The following HIVEP3 variants were observed in gnomAD, a reference collection of about 807,000 sequenced individuals.
HIVEP3 encodes transcription factor HIVEP3.
A neutral mutation model predicts 152.8 loss-of-function variants in HIVEP3; 49 were observed. That is an observed-to-expected ratio of 0.32 (90% CI 0.26 to 0.41). The LOEUF (loss-of-function observed/expected upper bound fraction) is 0.41. Among genes scored for constraint, HIVEP3 ranks in the 10% least tolerant of loss-of-function variants. The pLI is 1.00. For missense variants in HIVEP3, 2,790 were observed against 3,103.3 expected, an observed-to-expected ratio of 0.90 and a Z score of 2.40; for synonymous variants, 1,269 against 1,289.0, an observed-to-expected ratio of 0.98 and a Z score of 0.33.
At chr1:41,698,129 C>A (rs1646305294) in intron 2 of HIVEP3, among the ~76,000 whole-genome samples, 1 of 152,160 alleles carries the variant, frequency 6.6e-6, no homozygotes, top group Non-Finnish European at 1.5e-5. Context: ...CTCAATAAAC[C>A]TCAGTTGCTA....
At chr1:41,690,637 G>GC (rs1187726141) in intron 2 of HIVEP3, among the ~76,000 whole-genome samples, 1 of 152,158 alleles carries the variant, frequency 6.6e-6, no homozygotes, top group Non-Finnish European at 1.5e-5. Flanking sequence ...ATGGATTCTG[G>GC]CCCGGCACGG....
At chr1:41,860,706 T>C (rs1038619697) in intron 1 of HIVEP3, among the ~76,000 whole-genome samples, 3 of 152,146 alleles carry the variant, frequency 2.0e-5, no homozygotes, top group African/African-American at 7.2e-5. Context: ...CCCCCTAATA[T>C]CTCCACCATT....
chr1:41,717,707 T>C (rs1646615493), intron 1 of HIVEP3, among the ~76,000 whole-genome samples: 1 of 152,214 alleles, frequency 6.6e-6, no homozygotes, highest in Non-Finnish European at 1.5e-5. Context: ...CCTGGAACCA[T>C]GCTGCAGATC....
At chr1:41,593,975 C>T (rs1359835976) in intron 3 of HIVEP3, among the ~76,000 whole-genome samples, 1 of 152,166 alleles carries the variant, frequency 6.6e-6, no homozygotes, top group African/African-American at 2.4e-5. Flanking sequence ...TGGTAACAGC[C>T]AGCCGCATCT....
At chr1:41,729,903 G>T (rs1428492343) in intron 1 of HIVEP3, among the ~76,000 whole-genome samples, 1 of 152,186 alleles carries the variant, frequency 6.6e-6, no homozygotes, top group Non-Finnish European at 1.5e-5. Context: ...TACCACTCTG[G>T]ATCCTCACAC....
chr1:41,920,586 T>TTTG (rs1553134913), upstream of HIVEP3, among the ~76,000 whole-genome samples: 39 of 147,106 alleles, frequency 2.7e-4, no homozygotes, highest in South Asian at 1.3e-3. Context: ...GGTTTTTTTT[T>TTTG]TTTTGTTTTG....
chr1:41,538,923 A>C (rs1285333936), intron 5 of HIVEP3, among the ~76,000 whole-genome samples: 1 of 151,866 alleles, frequency 6.6e-6, no homozygotes, highest in Non-Finnish European at 1.5e-5. Flanking sequence ...TGTGCTCCGG[A>C]TTCATGGGGC....
chr1:41,661,814 G>A (rs1178774307), intron 2 of HIVEP3, among the ~76,000 whole-genome samples: 1 of 152,230 alleles, frequency 6.6e-6, no homozygotes, highest in African/African-American at 2.4e-5. Flanking sequence ...GCCAACGGCC[G>A]TGCCAGGCGC....
At chr1:41,842,768 A>G (rs182304260) in intron 1 of HIVEP3, among the ~76,000 whole-genome samples, 1 of 152,276 alleles carries the variant, frequency 6.6e-6, no homozygotes, top group African/African-American at 2.4e-5. Context: ...GAGATCTGCA[A>G]ATCAGGTGGC....
chr1:41,953,050 G>A (rs1645119699), intron 1 of HIVEP3, among the ~76,000 whole-genome samples: 1 of 152,158 alleles, frequency 6.6e-6, no homozygotes, highest in Non-Finnish European at 1.5e-5. Context: ...ATGGGTCCGT[G>A]ACACTGCTCC....
At position 41,582,494 on chromosome 1, in the gene HIVEP3, C is replaced by T; in HGVS notation, c.2304G>A (p.Glu768=). The change falls in exon 4 of 9, where the codon GAG becomes GAA. Residue 768 remains glutamate, a synonymous_variant. Coordinates refer to ENST00000372583, the MANE Select transcript of HIVEP3 (RefSeq NM_024503.5). The surrounding 1 kb of genome is among the most constrained non-coding windows in gnomAD (Gnocchi z 4.7). The part of the protein sequence containing the change: ...AEPSKSVPSL[E]GPTGFQPRTP... ...TCCTTGGCTGGAAGCCCGTGGGTCC[C>T]TCCAAGGAGGGCACTGATTTACTTG... 1 of 1,612,794 alleles carries T rather than the reference C, an allele frequency of 6.2e-7. No individual in the cohort carries two copies. The highest frequency in any genetic ancestry group is 1.3e-5 in the African/African-American group (1 of 75,002).
intron 2 of HIVEP3, among the ~76,000 whole-genome samples, chr1:41,635,797 C>T (rs574231782): frequency 1.3e-5 from 2 of 151,602 alleles, no homozygotes; most frequent in East Asian, 3.9e-4. Context: ...TATACGTGAA[C>T]ATTTTGAAAA....
At chr1:41,658,778 C>T (rs1645668361) in intron 2 of HIVEP3, among the ~76,000 whole-genome samples, 1 of 152,196 alleles carries the variant, frequency 6.6e-6, no homozygotes, top group South Asian at 2.1e-4. Flanking sequence ...TGCAGCCGAT[C>T]AGGAACCGCA....
intron 5 of HIVEP3, among the ~76,000 whole-genome samples, chr1:41,525,678 T>A (rs577428407): frequency 6.6e-6 from 1 of 152,184 alleles, no homozygotes; most frequent in Non-Finnish European, 1.5e-5. Context: ...TGGGGTTCTA[T>A]CTGGAAGTGC....
intron 2 of HIVEP3, among the ~76,000 whole-genome samples, chr1:41,632,312 C>T (rs1570160062): frequency 1.3e-5 from 2 of 152,024 alleles, no homozygotes; most frequent in South Asian, 2.1e-4. Flanking sequence ...TAGGTGCCAG[C>T]GTTAATAGAT....
chr1:41,535,629 T>A (rs1336768390), intron 5 of HIVEP3: 2 of 152,202 alleles, frequency 1.3e-5, no homozygotes, highest in African/African-American at 4.8e-5. Flanking sequence ...GGGAGGGGTA[T>A]GGCGAGACCA....
chr1:41,551,901 A>C (rs1643897606), intron 5 of HIVEP3, among the ~76,000 whole-genome samples: 1 of 152,000 alleles, frequency 6.6e-6, no homozygotes, highest in African/African-American at 2.4e-5. Flanking sequence ...CTCTGATCTT[A>C]GCTATTTCTT....
At chr1:41,736,076 G>A (rs1435495773) in intron 1 of HIVEP3, among the ~76,000 whole-genome samples, 1 of 152,146 alleles carries the variant, frequency 6.6e-6, no homozygotes, top group African/African-American at 2.4e-5. Flanking sequence ...GGCAGCATCT[G>A]CAGCCAGTGC....
chr1:41,966,560 G>C (rs867364966), intron 1 of HIVEP3, among the ~76,000 whole-genome samples: 1 of 138,670 alleles, frequency 7.2e-6, no homozygotes, highest in Non-Finnish European at 1.5e-5. Context: ...TGCAAGCCCC[G>C]CCTCCTGGGT....
Sources: allele counts gnomAD v4.1 joint callset (sites outside exome capture counted in the v4.1 genomes callset), GRCh38; gene constraint gnomAD v4.1.1; non-coding constraint Gnocchi (gnomAD v3.1); transcripts MANE v1.5; gene names NCBI Gene and HGNC (gene_info 2026-07-23, HGNC 2026-07-21).